The following CREB3L2 variants were observed in gnomAD, a reference collection of about 807,000 sequenced individuals.
CREB3L2 encodes cAMP responsive element binding protein 3 like 2.
In CREB3L2, 23 loss-of-function variants were observed where a neutral mutation model predicts 57.2. The observed-to-expected ratio is 0.40, with a 90% CI of 0.29 to 0.57. The LOEUF (loss-of-function observed/expected upper bound fraction) is 0.57. Among genes scored for constraint, CREB3L2 ranks in the 20% least tolerant of loss-of-function variants. The probability of loss-of-function intolerance (pLI) is 0.42; values close to 1 mark genes in which losing one functional copy is unlikely to be tolerated. For synonymous variants in CREB3L2, 268 were observed against 265.1 expected, an observed-to-expected ratio of 1.01 and a Z score of -0.11; for missense variants, 628 against 634.7, an observed-to-expected ratio of 0.99 and a Z score of 0.11.
At chr7:137,909,982 C>T (rs1045837845) in intron 4 of CREB3L2, among the ~76,000 whole-genome samples, 6 of 152,136 alleles carry the variant, frequency 3.9e-5, no homozygotes, top group South Asian at 2.1e-4. Context: ...ATGTGCCTTT[C>T]GCTTTCCACC....
At chr7:137,887,517 GCCAACAT>G (rs1385435190) in intron 8 of CREB3L2, among the ~76,000 whole-genome samples, 1 of 152,084 alleles carries the variant, frequency 6.6e-6, no homozygotes, top group African/African-American at 2.4e-5. Context: ...GACCAGCCTG[GCCAACAT>G]AGTAAAACCC....
chr7:137,959,954 T>A (rs957710056), intron 1 of CREB3L2, among the ~76,000 whole-genome samples: 3 of 152,218 alleles, frequency 2.0e-5, no homozygotes, highest in African/African-American at 7.2e-5. Flanking sequence ...ACTTTCCATG[T>A]TCCCATTCCC....
At chr7:137,950,232 A>T (rs974367486) in intron 1 of CREB3L2, among the ~76,000 whole-genome samples, 17 of 152,208 alleles carry the variant, frequency 1.1e-4, no homozygotes, top group Admixed American at 5.9e-4. Flanking sequence ...TTTGTGGGTC[A>T]TATGAGGGGT....
At chr7:137,973,618 T>C (rs1801555890) in intron 1 of CREB3L2, among the ~76,000 whole-genome samples, 2 of 152,156 alleles carry the variant, frequency 1.3e-5, no homozygotes, top group African/African-American at 4.8e-5. Context: ...CAGAGACTTA[T>C]TATGATGGAT....
rs771259187 is a variant in CREB3L2 at position 137,885,021 on chromosome 7, A to G, written c.1244T>C (p.Leu415Pro). 26 of 1,614,052 alleles carry G rather than the reference A, an allele frequency of 1.6e-5. No individual in the cohort carries two copies. The African/African-American group carries it at 3.2e-4, about 20-fold the overall frequency. The change falls in exon 10 of 12, where the codon CTG becomes CCG. Residue 415 changes from leucine to proline, a missense_variant. Transcript: ENST00000330387. The stretch of plus-strand genomic sequence containing the variant: ...CACGGAGGCTGTGTAGGGCTCCTGC[A>G]GGGAATGCTGGCTGGGCAGAGCCAT... ...TKMALPSQHSLQEPYTASVVR... is the reference protein window; with the variant it reads ...TKMALPSQHSPQEPYTASVVR...
chr7:137,976,712 C>T (rs750107144), intron 1 of CREB3L2, among the ~76,000 whole-genome samples: 1 of 152,152 alleles, frequency 6.6e-6, no homozygotes, highest in Non-Finnish European at 1.5e-5. Flanking sequence ...TCTTATGCCC[C>T]ACCTCCAGAC....
At chr7:137,967,233 T>A (rs1350111257) in intron 1 of CREB3L2, among the ~76,000 whole-genome samples, 1 of 152,196 alleles carries the variant, frequency 6.6e-6, no homozygotes, top group Non-Finnish European at 1.5e-5. Context: ...CTGTAAGAAA[T>A]AAACGTCTGC....
intron 1 of CREB3L2, among the ~76,000 whole-genome samples, chr7:137,967,568 C>T (rs745730557): frequency 3.9e-5 from 6 of 152,156 alleles, no homozygotes; most frequent in African/African-American, 7.2e-5. Context: ...AGAGATACTC[C>T]GGATGACTCA....
intron 10 of CREB3L2, 153 bp downstream of exon 10, chr7:137,884,842 G>T (rs752937691): frequency 2.6e-5 from 28 of 1,078,664 alleles, no homozygotes; most frequent in Admixed American, 5.2e-5. Context: ...GGGCCCCAGG[G>T]GAACCCCCAC....
At chr7:137,883,870 G>A (rs1304749728) in intron 10 of CREB3L2, among the ~76,000 whole-genome samples, 1 of 152,186 alleles carries the variant, frequency 6.6e-6, no homozygotes, top group African/African-American at 2.4e-5. Flanking sequence ...TATAGGTGTA[G>A]GTGTGAATTT....
intron 1 of CREB3L2, chr7:137,957,642 T>C: frequency 1.8e-6 from 1 of 554,338 alleles, no homozygotes; most frequent in South Asian, 1.8e-5. Flanking sequence ...AAGATGGATA[T>C]TTTTTCTTCA....
At chr7:137,894,547 G>T (rs1233364927) in intron 8 of CREB3L2, among the ~76,000 whole-genome samples, 3 of 152,222 alleles carry the variant, frequency 2.0e-5, no homozygotes, top group Non-Finnish European at 4.4e-5. Context: ...CACCAGGTTT[G>T]CCCTTCGGAG....
chr7:137,981,540 C>G (rs1801711685), intron 1 of CREB3L2, among the ~76,000 whole-genome samples: 1 of 152,014 alleles, frequency 6.6e-6, no homozygotes, highest in South Asian at 2.1e-4. Context: ...CAGTCCAGAC[C>G]CCACAGAAAT....
chr7:137,976,180 C>T (rs1212439717), intron 1 of CREB3L2, among the ~76,000 whole-genome samples: 1 of 152,220 alleles, frequency 6.6e-6, no homozygotes, highest in Non-Finnish European at 1.5e-5. Context: ...CTGCTCTTAC[C>T]TACTTTCTCA....
intron 1 of CREB3L2, chr7:137,955,339 A>G (rs1483443577): frequency 7.8e-7 from 1 of 1,288,066 alleles, no homozygotes; most frequent in Non-Finnish European, 1.0e-6. Flanking sequence ...CTGGTTTGGT[A>G]AGCACCACAG....
At chr7:137,907,457 G>A (rs1799915496) in intron 5 of CREB3L2, among the ~76,000 whole-genome samples, 1 of 152,194 alleles carries the variant, frequency 6.6e-6, no homozygotes, top group Non-Finnish European at 1.5e-5. Context: ...CTTGTCCTCA[G>A]TAACGATGAA....
intron 1 of CREB3L2, chr7:137,955,385 G>C: frequency 9.1e-7 from 1 of 1,095,856 alleles, no homozygotes; most frequent in South Asian, 1.3e-5. Flanking sequence ...CTTATGATTA[G>C]TTCTTCAGCA....
At chr7:137,904,788 G>A (rs1409737615) in intron 6 of CREB3L2, among the ~76,000 whole-genome samples, 5 of 150,066 alleles carry the variant, frequency 3.3e-5, no homozygotes, top group East Asian at 4.0e-4. Flanking sequence ...GCAGTGAGCC[G>A]AGATCATGCC....
At chr7:137,942,118 C>T (rs1800890700) in intron 1 of CREB3L2, among the ~76,000 whole-genome samples, 1 of 152,236 alleles carries the variant, frequency 6.6e-6, no homozygotes, top group Non-Finnish European at 1.5e-5. Context: ...TCACCAGCCA[C>T]ACTGTGCTCA....
Sources: gnomAD v4.1 joint callset for allele counts (sites outside exome capture counted in the v4.1 genomes callset) on GRCh38, gnomAD v4.1.1 for gene constraint, MANE v1.5 for transcripts, NCBI Gene and HGNC (gene_info 2026-07-23, HGNC 2026-07-21) for gene names.